The following ZNF726 variants were observed in gnomAD, a reference collection of about 807,000 sequenced individuals.
ZNF726 encodes the protein zinc finger protein 92 pseudogene 3.
A neutral mutation model predicts 11.6 loss-of-function variants in ZNF726; 15 were observed. The observed-to-expected ratio is 1.29, with a 90% confidence interval of 0.86 to 1.99. ZNF726 has a LOEUF of 1.99. Ranked by LOEUF, ZNF726 falls within the 30% of genes most tolerant of loss-of-function variation. ZNF726 has a pLI of 0.00. For synonymous variants in ZNF726, 295 were observed against 243.6 expected, an observed-to-expected ratio of 1.21 and a Z score of -1.96; for missense variants, 890 against 725.6, an observed-to-expected ratio of 1.23 and a Z score of -2.60.
chr19:23,926,434 A>C (rs1408867704), intron 3 of ZNF726, among the ~76,000 whole-genome samples: 2 of 151,962 alleles, frequency 1.3e-5, no homozygotes, highest in African/African-American at 4.8e-5. Flanking sequence ...GTGCATGTTA[A>C]TCCCAGCAAC....
intron 3 of ZNF726, chr19:23,923,577 A>C (rs981015187): frequency 5.5e-6 from 1 of 180,678 alleles, no homozygotes; most frequent in Admixed American, 6.0e-5. Context: ...CGCTTGGCTA[A>C]TTTTTTGTAT....
rs1313743655 is a variant in ZNF726 at position 23,934,282 on chromosome 19, G to A, written c.*315G>A. ...CACCCCTAAGTAGACATAAGAGGAT[G>A]CACACTGGAGAGAAACCTTACAAAT... On this transcript the variant is annotated 3_prime_UTR_variant, in exon 4 of 4. Coordinates refer to ENST00000594466, the MANE Select transcript of ZNF726 (RefSeq NM_001244038.2). 1.7e-6 allele frequency: 1 copy of A among 584,692 alleles called. No homozygotes were observed. The allele number at this position is 584,692 out of a possible 1,614,324, so 36.2% of individuals were successfully genotyped here.
rs1568381060 is a variant in ZNF726, at chr19:23,933,839, A to T, written c.1723A>T (p.Asn575Tyr). The change falls in exon 4 of 4, where the codon AAT becomes TAT. Residue 575 changes from asparagine (N) to tyrosine (Y), a missense_variant. Coordinates refer to ENST00000594466, the MANE Select transcript of ZNF726 (RefSeq NM_001244038.2). ...GTGTGAAGAATGTGGAAAAGCGTTT[A>T]ATCGATCCTCAAATCTTAGTACGCA... ...YKCEECGKAFNRSSNLSTHKI... is the reference protein window; with the variant it reads ...YKCEECGKAFYRSSNLSTHKI... 1 of 1,599,268 alleles carries T rather than the reference A, an allele frequency of 6.3e-7. No homozygotes were observed.
At chr19:23,937,107 CCCGGCCGGGGCGGCTGG>C (rs1205819423), downstream of ZNF726, among the ~76,000 whole-genome samples, 10 of 150,014 alleles carry the variant, frequency 6.7e-5, no homozygotes, top group East Asian at 2.1e-3. Context: ...CCACCTCCCT[CCCGGCCGGGGCGGCTGG>C]CCGGGCGGGG....
intron 3 of ZNF726, among the ~76,000 whole-genome samples, chr19:23,924,158 C>T (rs1447321517): frequency 1.3e-5 from 2 of 151,894 alleles, no homozygotes; most frequent in African/African-American, 2.4e-5. Flanking sequence ...ATTCTCCTGC[C>T]TCAGCCTCCT....
chr19:23,928,234 C>G (rs1337853831), intron 3 of ZNF726: 2 of 152,224 alleles, frequency 1.3e-5, no homozygotes, highest in East Asian at 1.9e-4. Context: ...TTTCTACAGT[C>G]TGCTAAATTG....
rs1208057711 is a variant in ZNF726, at chr19:23,933,891, C to T, written c.1775C>T (p.Pro592Leu). 1.3e-6 allele frequency: 2 copies of T among 1,590,472 alleles called. No homozygotes were observed. The highest frequency in any genetic ancestry group is 1.1e-5 in the South Asian group (1 of 88,828). Residue 592 changes from proline (P) to leucine (L), a missense_variant, in exon 4 of 4, where the codon CCT becomes CTT. Coordinates refer to ENST00000594466, the MANE Select transcript of ZNF726 (RefSeq NM_001244038.2). ...AAGATAATTCATACTGGAGAGAAAC[C>T]TTACAAGTGTGACGAATGTGGCAAA... ...THKIIHTGEKPYKCDECGKSF... is the reference protein window; with the variant it reads ...THKIIHTGEKLYKCDECGKSF...
chr19:23,931,026 A>G (rs1338169860), intron 3 of ZNF726, among the ~76,000 whole-genome samples: 1 of 152,176 alleles, frequency 6.6e-6, no homozygotes, highest in Non-Finnish European at 1.5e-5. Flanking sequence ...ACTGGAGTGC[A>G]GTGGCGTGAT....
At position 23,932,936 on chromosome 19, in the gene ZNF726, A is replaced by G. The variant is rs1268488752; in HGVS notation, c.820A>G (p.Ile274Val). The G allele has an allele frequency of 6.2e-7, 1 of 1,611,524 alleles. No homozygotes were observed. The highest frequency in any genetic ancestry group is 1.1e-5 in the South Asian group (1 of 90,922). Reference sequence around the variant, plus strand: ...ATTTAGCCAATCCTCAACACTAACCATACATAAGAGGATACATACTGGAGA... The same window carrying G: ...ATTTAGCCAATCCTCAACACTAACCGTACATAAGAGGATACATACTGGAGA... ...KAFSQSSTLT[I>V]HKRIHTGEKP... is the part of the protein sequence containing the mutation. Residue 274 changes from isoleucine to valine, a missense_variant, in exon 4 of 4, where the codon ATA becomes GTA. Transcript: ENST00000594466.
chr19:23,935,068 C>A (rs62114225), downstream of ZNF726, among the ~76,000 whole-genome samples: 1 of 152,184 alleles, frequency 6.6e-6, no homozygotes, highest in East Asian at 1.9e-4. Context: ...TCATTTGAAT[C>A]CAGCCAGGCA....
At chr19:23,941,858 C>G (rs928546078) in intron 3 of ZNF726, among the ~76,000 whole-genome samples, 1 of 152,010 alleles carries the variant, frequency 6.6e-6, no homozygotes, top group African/African-American at 2.4e-5. Context: ...TGGATTTTCT[C>G]TCTTCTTTTC....
At chr19:23,915,397 G>A (rs1418763567) in intron 1 of ZNF726, among the ~76,000 whole-genome samples, 1 of 152,088 alleles carries the variant, frequency 6.6e-6, no homozygotes, top group African/African-American at 2.4e-5. Flanking sequence ...AAATTTATGG[G>A]CCTCACTGCA....
intron 3 of ZNF726, among the ~76,000 whole-genome samples, chr19:23,940,573 C>T (rs1599477204): frequency 1.3e-5 from 2 of 152,112 alleles, no homozygotes; most frequent in East Asian, 1.9e-4. Context: ...TTGTAGATTG[C>T]TTTAGGCAGT....
intron 3 of ZNF726, chr19:23,928,574 A>C (rs1968037386): frequency 6.6e-6 from 1 of 152,188 alleles, no homozygotes; most frequent in African/African-American, 2.4e-5. Context: ...TTACCAATAT[A>C]TACTACCAAT....
chr19:23,919,946 A>G (rs760621423), intron 2 of ZNF726, 41 bp from the exon 3 acceptor site: 1 of 1,418,344 alleles, frequency 7.1e-7, no homozygotes, highest in Admixed American at 1.8e-5. Context: ...GTAATTGGAG[A>G]ATATGAGCAA....
chr19:23,919,272 T>C (rs1028894042), intron 1 of ZNF726, 101 bp from the exon 2 acceptor site: 13 of 1,534,032 alleles, frequency 8.5e-6, no homozygotes, highest in East Asian at 2.3e-5. Flanking sequence ...CTCTTATAAG[T>C]TAGAATCAAT....
intron 1 of ZNF726, among the ~76,000 whole-genome samples, chr19:23,917,307 A>G (rs555433375): frequency 6.6e-6 from 1 of 152,286 alleles, no homozygotes; most frequent in African/African-American, 2.4e-5. Flanking sequence ...AAAGGTAAGG[A>G]AATATTTACA....
At chr19:23,935,068 C>G (rs62114225), downstream of ZNF726, among the ~76,000 whole-genome samples, 1,912 of 152,298 alleles carry the variant, frequency 0.013, 17 homozygotes, top group South Asian at 0.02. Flanking sequence ...TCATTTGAAT[C>G]CAGCCAGGCA....
intron 4 of ZNF726, chr19:23,944,110 T>A (rs1359260176): frequency 6.6e-6 from 1 of 152,210 alleles, no homozygotes; most frequent in Non-Finnish European, 1.5e-5. Context: ...TGCAGTTGCC[T>A]GTTGTTAGGT....
Sources: allele counts gnomAD v4.1 joint callset (sites outside exome capture counted in the v4.1 genomes callset), GRCh38; gene constraint gnomAD v4.1.1; transcripts MANE v1.5; gene names NCBI Gene and HGNC (gene_info 2026-07-23, HGNC 2026-07-21).